The following NGEF variants were observed in gnomAD, a reference collection of about 807,000 sequenced individuals.
The protein encoded by NGEF is ephexin-1.
A neutral mutation model predicts 80.9 loss-of-function variants in NGEF; 31 were observed. The observed-to-expected ratio is 0.38, with a 90% CI of 0.29 to 0.52. The LOEUF (loss-of-function observed/expected upper bound fraction) is 0.52. Among genes scored for constraint, NGEF ranks in the 20% least tolerant of loss-of-function variants. The pLI, the probability that NGEF is intolerant of heterozygous loss-of-function variation, is 0.84. For synonymous variants in NGEF, 371 were observed against 370.2 expected, an observed-to-expected ratio of 1.00 and a Z score of -0.03; for missense variants, 709 against 926.2, an observed-to-expected ratio of 0.77 and a Z score of 3.04.
At chr2:232,946,076 T>TA (rs1302897126) in intron 3 of NGEF, among the ~76,000 whole-genome samples, 7 of 150,990 alleles carry the variant, frequency 4.6e-5, no homozygotes, top group African/African-American at 1.7e-4. Flanking sequence ...TATATATATA[T>TA]ATGCACACAA....
chr2:232,953,563 C>T (rs1693730360), intron 3 of NGEF, among the ~76,000 whole-genome samples: 1 of 151,084 alleles, frequency 6.6e-6, no homozygotes, highest in Non-Finnish European at 1.5e-5. Flanking sequence ...ATATACATTC[C>T]TTTATGAAAA....
At chr2:232,933,747 G>A (rs1294836815) in intron 3 of NGEF, among the ~76,000 whole-genome samples, 1 of 152,192 alleles carries the variant, frequency 6.6e-6, no homozygotes, top group East Asian at 1.9e-4. Flanking sequence ...CCCTCCCCTA[G>A]GACTGTGCTC....
chr2:232,979,303 C>T (rs3941752), intron 1 of NGEF, among the ~76,000 whole-genome samples: 1 of 151,594 alleles, frequency 6.6e-6, no homozygotes. Context: ...AATGAGGAGG[C>T]TCTGAAACCC....
At chr2:233,003,344 G>A (rs891537110) in intron 1 of NGEF, among the ~76,000 whole-genome samples, 2 of 152,136 alleles carry the variant, frequency 1.3e-5, no homozygotes, top group Non-Finnish European at 2.9e-5. Context: ...CTCTGATGTC[G>A]ATCCCAGCCT....
intron 3 of NGEF, among the ~76,000 whole-genome samples, chr2:232,927,527 C>A (rs931267737): frequency 6.6e-6 from 1 of 152,078 alleles, no homozygotes; most frequent in Non-Finnish European, 1.5e-5. Context: ...GGCCAGGAAG[C>A]CACTCGGCGC....
At chr2:232,907,715 C>A (rs1255131913) in intron 5 of NGEF, among the ~76,000 whole-genome samples, 1 of 152,120 alleles carries the variant, frequency 6.6e-6, no homozygotes, top group Non-Finnish European at 1.5e-5. Flanking sequence ...ATTTTCTATG[C>A]CTTCTCAGTA....
chr2:232,999,247 TA>T (rs1694920880), intron 1 of NGEF, among the ~76,000 whole-genome samples: 3 of 152,340 alleles, frequency 2.0e-5, no homozygotes, highest in African/African-American at 7.2e-5. Flanking sequence ...ATCTGCTTTT[TA>T]AAATAGTTTT....
intron 5 of NGEF, among the ~76,000 whole-genome samples, chr2:232,895,898 T>C (rs937206013): frequency 1.3e-5 from 2 of 152,228 alleles, no homozygotes; most frequent in African/African-American, 4.8e-5. Context: ...ATCACCTGAT[T>C]GCTGAGCCTC....
At chr2:232,929,930 G>A (rs898863651) in intron 3 of NGEF, among the ~76,000 whole-genome samples, 1 of 152,162 alleles carries the variant, frequency 6.6e-6, no homozygotes, top group African/African-American at 2.4e-5. Context: ...AGTCTCACAA[G>A]ATCTGATGGT....
chr2:232,916,017 A>G (rs1208813377), intron 5 of NGEF, among the ~76,000 whole-genome samples: 1 of 152,214 alleles, frequency 6.6e-6, no homozygotes, highest in East Asian at 1.9e-4. Flanking sequence ...TGTCTAGTTC[A>G]TAACAGTTCC....
intron 14 of NGEF, among the ~76,000 whole-genome samples, chr2:232,880,202 G>A (rs1442505329): frequency 6.6e-6 from 1 of 152,234 alleles, no homozygotes; most frequent in African/African-American, 2.4e-5. Flanking sequence ...AGTGGAGAGG[G>A]TGCATCAGGA....
intron 2 of NGEF, among the ~76,000 whole-genome samples, chr2:232,972,151 C>T (rs146588238): frequency 1.3e-5 from 2 of 152,178 alleles, no homozygotes; most frequent in East Asian, 3.9e-4. Flanking sequence ...TATGTAAATC[C>T]ACTTTTCTGA....
chr2:232,985,706 T>C (rs1360707243), intron 1 of NGEF, among the ~76,000 whole-genome samples: 1 of 152,020 alleles, frequency 6.6e-6, no homozygotes, highest in African/African-American at 2.4e-5. Flanking sequence ...TGAGCAGAGA[T>C]TGTGTCACTG....
At chr2:232,987,163 C>T (rs188953290) in intron 1 of NGEF, among the ~76,000 whole-genome samples, 180 of 152,080 alleles carry the variant, frequency 1.2e-3, no homozygotes, top group Non-Finnish European at 6.2e-4. Flanking sequence ...ATTACAGGCA[C>T]GTGCCGCCAC....
chr2:232,966,216 G>C, intron 3 of NGEF, among the ~76,000 whole-genome samples: 1 of 152,034 alleles, frequency 6.6e-6, no homozygotes, highest in East Asian at 1.9e-4. Flanking sequence ...GCCCTGTGGG[G>C]GTCCTTAGAC....
intron 1 of NGEF, among the ~76,000 whole-genome samples, chr2:233,007,289 G>A (rs917712642): frequency 3.9e-5 from 6 of 152,148 alleles, no homozygotes; most frequent in African/African-American, 1.4e-4. Context: ...AAAGCAAATA[G>A]CGTTTCTCAA....
intron 3 of NGEF, among the ~76,000 whole-genome samples, chr2:232,944,982 C>A (rs746125319): frequency 3.9e-5 from 6 of 151,944 alleles, no homozygotes; most frequent in Non-Finnish European, 8.8e-5. Flanking sequence ...GAACTCCTGA[C>A]CTCAGGTGAT....
At chr2:232,887,743 C>A (rs553911403) in intron 9 of NGEF, among the ~76,000 whole-genome samples, 1 of 152,288 alleles carries the variant, frequency 6.6e-6, no homozygotes, top group South Asian at 2.1e-4. Flanking sequence ...TGAAGAATGT[C>A]CTGAGAGCCA....
chr2:232,956,420 GT>G (rs5839457), intron 3 of NGEF, among the ~76,000 whole-genome samples: 120,561 of 152,096 alleles, frequency 0.79, 48,372 homozygotes, highest in African/African-American at 0.92. Context: ...AGAAGAAACA[GT>G]TAACTAATAT....
Sources: gnomAD v4.1 joint callset for allele counts (sites outside exome capture counted in the v4.1 genomes callset) on GRCh38, gnomAD v4.1.1 for gene constraint, MANE v1.5 for transcripts, NCBI Gene and HGNC (gene_info 2026-07-23, HGNC 2026-07-21) for gene names.